The following GALNT13 variants were observed in gnomAD, a reference collection of about 807,000 sequenced individuals.
GALNT13 encodes the protein polypeptide N-acetylgalactosaminyltransferase 13.
GALNT13 carries 28 observed loss-of-function variants against 64.2 expected under a neutral mutation model. That is an observed-to-expected ratio of 0.44 (90% confidence interval 0.32 to 0.60). GALNT13 has a LOEUF of 0.60. GALNT13 is among the 20% of genes least tolerant of loss of function. The pLI is 0.05. For synonymous variants in GALNT13, 214 were observed against 224.6 expected (o/e 0.95, Z 0.42); for missense variants, 577 against 669.8 (o/e 0.86, Z 1.53).
chr2:154,378,131 G>A (rs565506042), intron 9 of GALNT13, among the ~76,000 whole-genome samples: 8 of 152,048 alleles, frequency 5.3e-5, no homozygotes, highest in Non-Finnish European at 7.4e-5. Context: ...TCTGGAGAAC[G>A]AACACAGAGA....
At chr2:153,909,057 T>C (rs1688771631) in intron 2 of GALNT13, among the ~76,000 whole-genome samples, 3 of 152,050 alleles carry the variant, frequency 2.0e-5, no homozygotes. Flanking sequence ...TTCTATTTGT[T>C]TGTGTCATCT....
chr2:153,732,228 T>C, the GALNT13 span, among the ~76,000 whole-genome samples: 7 of 151,996 alleles, frequency 4.6e-5, no homozygotes, highest in African/African-American at 1.7e-4. Context: ...CTCTAACTTT[T>C]TGAGATGGGT....
chr2:154,357,496 AG>A (rs1273347468), intron 9 of GALNT13, among the ~76,000 whole-genome samples: 2 of 152,082 alleles, frequency 1.3e-5, no homozygotes, highest in Non-Finnish European at 2.9e-5. Context: ...GCGTGTAAAA[AG>A]GCATGCAAAT....
chr2:154,365,860 A>C (rs1437775044), intron 9 of GALNT13, among the ~76,000 whole-genome samples: 2 of 152,186 alleles, frequency 1.3e-5, no homozygotes, highest in Non-Finnish European at 2.9e-5. Context: ...GATGTCTTCA[A>C]TGTGAAGAGT....
intron 4 of GALNT13, among the ~76,000 whole-genome samples, chr2:154,184,045 T>A (rs1402945975): frequency 6.6e-6 from 1 of 151,824 alleles, no homozygotes; most frequent in African/African-American, 2.4e-5. Context: ...TATAACCTTA[T>A]CATGAATTAA....
At chr2:154,178,977 C>G (rs1033977298) in intron 4 of GALNT13, among the ~76,000 whole-genome samples, 2 of 152,288 alleles carry the variant, frequency 1.3e-5, no homozygotes, top group Middle Eastern at 3.4e-3. Context: ...CACACAGAAC[C>G]AATCTGAGAT....
At position 154,041,932 on chromosome 2, in the gene GALNT13, G is replaced by A. The variant is rs960119270; in HGVS notation, c.142+97293G>A. On this transcript the variant is annotated intron_variant, in intron 3 of 12. Transcript: ENST00000392825. The stretch of plus-strand genomic sequence containing the variant: ...AGATTGAACCGAGATATGATTTTTA[G>A]TAAACTTGGTGCTTAGTAAATTTAT... 7.1e-5 allele frequency among the ~76,000 whole-genome samples: 10 copies of A among 140,054 alleles called. 2 individuals are homozygous for A. The highest frequency in any genetic ancestry group is 1.3e-4 in the Non-Finnish European group (8 of 61,076). 91.9% of individuals were successfully genotyped at this position (140,054 alleles called of 152,430 possible).
At chr2:153,432,961 G>C in the GALNT13 span, among the ~76,000 whole-genome samples, 1 of 151,284 alleles carries the variant, frequency 6.6e-6, no homozygotes, top group Non-Finnish European at 1.5e-5. Flanking sequence ...TTTCTTCTTG[G>C]GGGCTAAACA....
At chr2:153,317,027 T>C in the GALNT13 span, among the ~76,000 whole-genome samples, 1 of 152,188 alleles carries the variant, frequency 6.6e-6, no homozygotes, top group African/African-American at 2.4e-5. Flanking sequence ...TAGGTACAAA[T>C]AAATGTCAAC....
At chr2:154,323,371 A>AAAG (rs1360554500) in intron 9 of GALNT13, among the ~76,000 whole-genome samples, 1 of 152,074 alleles carries the variant, frequency 6.6e-6, no homozygotes, top group Non-Finnish European at 1.5e-5. Flanking sequence ...AACTTTGAGT[A>AAAG]AAGAGGGTTG....
chr2:153,141,581 T>G, the GALNT13 span, among the ~76,000 whole-genome samples: 1 of 152,100 alleles, frequency 6.6e-6, no homozygotes, highest in East Asian at 1.9e-4. Flanking sequence ...GAGCCCTGTG[T>G]TCTTGGTTCT....
At chr2:153,274,837 T>C in the GALNT13 span, among the ~76,000 whole-genome samples, 1 of 152,266 alleles carries the variant, frequency 6.6e-6, no homozygotes, top group African/African-American at 2.4e-5. Context: ...GGGCAATTCA[T>C]TTTGTAGAAG....
chr2:153,651,908 C>T, the GALNT13 span, among the ~76,000 whole-genome samples: 2 of 152,136 alleles, frequency 1.3e-5, no homozygotes, highest in Non-Finnish European at 2.9e-5. Context: ...TGGTTACCAA[C>T]TTCAACATAA....
chr2:154,439,426 T>G (rs1208553445), intron 12 of GALNT13, among the ~76,000 whole-genome samples: 2 of 152,176 alleles, frequency 1.3e-5, no homozygotes, highest in Non-Finnish European at 2.9e-5. Context: ...CTTTCAGTTT[T>G]CTTTTTTGAT....
At chr2:154,029,187 T>TAA (rs1698177608) in intron 3 of GALNT13, among the ~76,000 whole-genome samples, 2 of 61,266 alleles carry the variant, frequency 3.3e-5, no homozygotes, top group East Asian at 1.1e-3. Flanking sequence ...ATTTTGTAAA[T>TAA]CAAAAAAAAA....
chr2:153,543,629 C>T, the GALNT13 span, among the ~76,000 whole-genome samples: 1 of 152,006 alleles, frequency 6.6e-6, no homozygotes, highest in African/African-American at 2.4e-5. Flanking sequence ...CTTGGTTGAG[C>T]AGGAGTTAGG....
At chr2:153,692,485 C>T in the GALNT13 span, among the ~76,000 whole-genome samples, 36 of 152,128 alleles carry the variant, frequency 2.4e-4, no homozygotes, top group Non-Finnish European at 4.3e-4. Context: ...TGGAAACTGC[C>T]GGTGTGTTAT....
At chr2:153,898,032 G>A (rs983397031) in intron 1 of GALNT13, among the ~76,000 whole-genome samples, 1 of 151,942 alleles carries the variant, frequency 6.6e-6, no homozygotes, top group Admixed American at 6.6e-5. Flanking sequence ...TAGGTTGAGT[G>A]GATTTTTTGT....
the GALNT13 span, among the ~76,000 whole-genome samples, chr2:153,556,437 T>G: frequency 6.6e-6 from 1 of 152,356 alleles, no homozygotes; most frequent in East Asian, 1.9e-4. Flanking sequence ...AAATTTTATT[T>G]TCATATACTT....
Sources: allele counts gnomAD v4.1 joint callset (sites outside exome capture counted in the v4.1 genomes callset), GRCh38; gene constraint gnomAD v4.1.1; transcripts MANE v1.5; gene names NCBI Gene and HGNC (gene_info 2026-07-23, HGNC 2026-07-21).